PCDHGB2: variants seen among roughly 807,000 people sequenced by gnomAD.
PCDHGB2 encodes the protein protocadherin gamma subfamily B, 2.
PCDHGB2 carries 55 observed loss-of-function variants against 59.3 expected under a neutral mutation model. The observed-to-expected ratio is 0.93, with a 90% CI of 0.75 to 1.16. PCDHGB2 has a LOEUF of 1.16. PCDHGB2 is among the 50% of genes most tolerant of loss of function. The probability of loss-of-function intolerance (pLI) is 0.00; values close to 1 mark genes in which losing one functional copy is unlikely to be tolerated. For synonymous variants in PCDHGB2, 516 were observed against 512.0 expected, an observed-to-expected ratio of 1.01 and a Z score of -0.11; for missense variants, 1,228 against 1,198.5, an observed-to-expected ratio of 1.02 and a Z score of -0.36.
At chr5:141,394,639 T>C (rs2150578020) in intron 1 of PCDHGB2, 2 of 1,611,968 alleles carry the variant, frequency 1.2e-6, no homozygotes, top group Middle Eastern at 1.7e-4. Flanking sequence ...TACCGCCTGC[T>C]CAAGGCCAGC....
At chr5:141,389,896 C>T (rs1398944326) in intron 1 of PCDHGB2, 1 of 1,614,076 alleles carries the variant, frequency 6.2e-7, no homozygotes, top group Non-Finnish European at 8.5e-7. Flanking sequence ...GAGGTGCTGC[C>T]GGATATCACT....
At position 141,491,289 on chromosome 5, in the gene PCDHGB2, C is replaced by T. The variant is rs2099710219; in HGVS notation, c.2422-3518C>T. ...CCAAATCCAGTGACTTCCTCATACA[C>T]CCTCCTGAGCGTTCAGACCTTACCC... On this transcript the variant is annotated intron_variant, in intron 1 of 3. Transcript: ENST00000522605. The surrounding 1 kb of genome is among the most constrained non-coding windows in gnomAD (Gnocchi z 6.9). 2 of 1,614,112 alleles carry T rather than the reference C, an allele frequency of 1.2e-6. No homozygotes were observed. The highest frequency in any genetic ancestry group is 1.7e-6 in the Non-Finnish European group (2 of 1,179,942).
At position 141,486,927 on chromosome 5, in the gene PCDHGB2, G is replaced by T. The variant is rs2099637231; in HGVS notation, c.2422-7880G>T. On this transcript the variant is annotated intron_variant, in intron 1 of 3. Transcript: ENST00000522605. The surrounding 1 kb of genome is among the most constrained non-coding windows in gnomAD (Gnocchi z 5.0). ...CCCCAAGCACTGCCTCCATCAGTTG[G>T]TGCTGGCCACCTAATCACAAAGGTG... 1 of 1,614,108 alleles carries T rather than the reference G, an allele frequency of 6.2e-7. No homozygotes were observed. Among genetic ancestry groups the T allele is most frequent in the Non-Finnish European group, 8.5e-7 (1 of 1,180,054 alleles).
In PCDHGB2 at chr5:141,476,445, T is replaced by G. The variant is rs2099391853; in HGVS notation, c.2422-18362T>G. 1 of 1,613,956 alleles carries G rather than the reference T, an allele frequency of 6.2e-7. No individual in the cohort carries two copies. The highest frequency in any genetic ancestry group is 1.7e-5 in the Admixed American group (1 of 60,008). The stretch of plus-strand genomic sequence containing the variant: ...CCCTCTTGCACTGTAACTCTGGAGT[T>G]GGTAGTGGAGAACCCGCTGGAGCTG... On this transcript the variant is annotated intron_variant, in intron 1 of 3. Coordinates refer to ENST00000522605, the MANE Select transcript of PCDHGB2 (RefSeq NM_018923.3). This position sits in a 1 kb window ranked among gnomAD's most constrained non-coding sequence, Gnocchi z 7.6.
intron 1 of PCDHGB2, among the ~76,000 whole-genome samples, chr5:141,484,358 G>A (rs2099595185): frequency 6.6e-6 from 1 of 152,160 alleles, no homozygotes; most frequent in South Asian, 2.1e-4. Flanking sequence ...AGTGTATCTA[G>A]TGTATCACTA....
In PCDHGB2 at chr5:141,361,103, A is replaced by G. The variant is rs1224359599; in HGVS notation, c.968A>G (p.Asp323Gly). The G allele has an allele frequency of 5.0e-6, 8 of 1,613,902 alleles. No homozygotes were observed. The highest frequency in any genetic ancestry group is 6.8e-6 in the Non-Finnish European group (8 of 1,179,900). Residue 323 changes from aspartate (D) to glycine (G), a missense_variant, in exon 1 of 4, where the codon GAT (aspartate) becomes GGT (glycine). Coordinates refer to ENST00000522605, the MANE Select transcript of PCDHGB2 (RefSeq NM_018923.3). ...TACACTCTGAGTATCGAAGCAAAAG[A>G]TCCTGGAGATCTAGCAGCCCACTGC... ...SSYTLSIEAK[D>G]PGDLAAHCSI...
chr5:141,423,689 G>A (rs2096767103), intron 1 of PCDHGB2: 2 of 1,400,130 alleles, frequency 1.4e-6, no homozygotes, highest in Non-Finnish European at 9.4e-7. Context: ...CCTCCTAATT[G>A]TTGGTGTCTT....
At chr5:141,418,863 TAG>T (rs1165304037) in intron 1 of PCDHGB2, 1 of 1,613,990 alleles carries the variant, frequency 6.2e-7, no homozygotes, top group Non-Finnish European at 8.5e-7. Context: ...AAAGTAATTG[TAG>T]AAGTTGTAGA....
intron 1 of PCDHGB2, chr5:141,374,146 G>A (rs770813485): frequency 5.0e-6 from 8 of 1,611,142 alleles, no homozygotes; most frequent in East Asian, 4.5e-5. Context: ...CGCTCCTGGG[G>A]ACGCTGTGGG....
chr5:141,375,719 G>C (rs1478749716), intron 1 of PCDHGB2: 1 of 1,614,262 alleles, frequency 6.2e-7, no homozygotes, highest in South Asian at 1.1e-5. Flanking sequence ...TAGCAGCAAC[G>C]TGTCACTGAG....
chr5:141,431,828 C>T lies in PCDHGB2; in HGVS notation c.2422-62979C>T. The T allele has an allele frequency of 6.2e-7, 1 of 1,610,208 alleles. No individual in the cohort carries two copies. Among genetic ancestry groups the T allele is most frequent in the Non-Finnish European group, 8.5e-7 (1 of 1,176,374 alleles). On this transcript the variant is annotated intron_variant, in intron 1 of 3. Transcript: ENST00000522605. This position sits in a 1 kb window ranked among gnomAD's most constrained non-coding sequence, Gnocchi z 4.8. Reference sequence around the variant, plus strand: ...CCTCACCTCTCTCGCCAGCTCGGTTCCCGAAAACTCTCCCAGAGGGACATT... The same window carrying T: ...CCTCACCTCTCTCGCCAGCTCGGTTTCCGAAAACTCTCCCAGAGGGACATT...
At chr5:141,410,161 ACT>A (rs758781174) in intron 1 of PCDHGB2, 27 of 1,613,102 alleles carry the variant, frequency 1.7e-5, no homozygotes, top group South Asian at 1.1e-5. Flanking sequence ...GACAGCCGCC[ACT>A]CTCTGCCACC....
chr5:141,439,066 G>A (rs1004595196), intron 1 of PCDHGB2, among the ~76,000 whole-genome samples: 2 of 151,258 alleles, frequency 1.3e-5, no homozygotes, highest in African/African-American at 2.4e-5. Context: ...TGTGGCAGGC[G>A]CCTGTAATCC....
At chr5:141,504,500 GAGTGGATCT>G (rs2099838791) in intron 2 of PCDHGB2, among the ~76,000 whole-genome samples, 1 of 152,072 alleles carries the variant, frequency 6.6e-6, no homozygotes, top group Non-Finnish European at 1.5e-5. Context: ...TGCCCAGTCT[GAGTGGATCT>G]CCTCTGATAT....
rs748873655 is a variant in PCDHGB2 at position 141,410,002 on chromosome 5, C to A, written c.2421+47446C>A. The A allele has an allele frequency of 1.1e-5, 18 of 1,613,250 alleles. No individual in the cohort carries two copies. Among genetic ancestry groups the A allele is most frequent in the Middle Eastern group, 1.7e-4 (1 of 6,056 alleles). On this transcript the variant is annotated intron_variant, in intron 1 of 3. Coordinates refer to ENST00000522605, the MANE Select transcript of PCDHGB2 (RefSeq NM_018923.3). ...TAGCGGTGGACGCCGACTCGGGACA[C>A]AACGCCTGGCTGTCCTACCACGTGC...
intron 1 of PCDHGB2, among the ~76,000 whole-genome samples, chr5:141,456,703 G>T (rs528071544): frequency 1.3e-5 from 2 of 152,062 alleles, no homozygotes; most frequent in Non-Finnish European, 2.9e-5. Context: ...GGTGGCTCGC[G>T]CCTGTAATCC....
intron 1 of PCDHGB2, chr5:141,439,900 A>G (rs562278732): frequency 6.6e-5 from 10 of 152,362 alleles, no homozygotes; most frequent in African/African-American, 2.2e-4. Flanking sequence ...CAAGGCGACT[A>G]CTGCCTCCTT....
intron 1 of PCDHGB2, among the ~76,000 whole-genome samples, chr5:141,474,130 C>G (rs28684928): frequency 6.6e-6 from 1 of 152,160 alleles, no homozygotes; most frequent in Non-Finnish European, 1.5e-5. Context: ...TCTCAGAAAA[C>G]TACAGGCCTT....
At chr5:141,478,625 T>A in intron 1 of PCDHGB2, 3 of 1,554,218 alleles carry the variant, frequency 1.9e-6, no homozygotes, top group Non-Finnish European at 2.6e-6. Context: ...ATGGAGCTGT[T>A]TTTTTAGTGA....
Sources: allele counts gnomAD v4.1 joint callset (sites outside exome capture counted in the v4.1 genomes callset), GRCh38; gene constraint gnomAD v4.1.1; non-coding constraint Gnocchi (gnomAD v3.1); transcripts MANE v1.5; gene names NCBI Gene and HGNC (gene_info 2026-07-23, HGNC 2026-07-21).